CADPS2: variants seen among roughly 807,000 people sequenced by gnomAD.
CADPS2 encodes the protein calcium-dependent secretion activator 2.
Under a neutral mutation model 172.5 loss-of-function variants are expected in CADPS2, and 93 were observed. The observed-to-expected ratio is 0.54, with a 90% CI of 0.46 to 0.64. CADPS2 has a LOEUF of 0.64. CADPS2 is among the 30% of genes least tolerant of loss of function. The probability of loss-of-function intolerance (pLI) is 0.00; values close to 1 mark genes in which losing one functional copy is unlikely to be tolerated. For synonymous variants in CADPS2, 546 were observed against 555.2 expected, an observed-to-expected ratio of 0.98 and a Z score of 0.23; for missense variants, 1,420 against 1,565.9, an observed-to-expected ratio of 0.91 and a Z score of 1.57.
intron 8 of CADPS2, among the ~76,000 whole-genome samples, chr7:122,519,678 TA>T (rs200287126): frequency 6.4e-4 from 96 of 149,892 alleles, no homozygotes; most frequent in African/African-American, 4.9e-4. Flanking sequence ...ATCTATGACT[TA>T]AAAAAAAAAT....
At chr7:122,833,840 G>A (rs1807393320) in intron 1 of CADPS2, among the ~76,000 whole-genome samples, 1 of 152,100 alleles carries the variant, frequency 6.6e-6, no homozygotes, top group South Asian at 2.1e-4. Context: ...CACCTCAATA[G>A]CATTAAAGAA....
At chr7:122,566,574 C>A (rs2066505143) in intron 7 of CADPS2, among the ~76,000 whole-genome samples, 1 of 151,984 alleles carries the variant, frequency 6.6e-6, no homozygotes, top group African/African-American at 2.4e-5. Context: ...CTTTGAATAG[C>A]TCTGAGATAC....
intron 1 of CADPS2, among the ~76,000 whole-genome samples, chr7:122,742,196 G>A (rs1320834218): frequency 6.6e-6 from 1 of 152,014 alleles, no homozygotes; most frequent in Non-Finnish European, 1.5e-5. Flanking sequence ...TTCGAGACCA[G>A]CGTGGCCAAC....
At chr7:122,834,550 G>A (rs1380596503) in intron 1 of CADPS2, among the ~76,000 whole-genome samples, 1 of 152,142 alleles carries the variant, frequency 6.6e-6, no homozygotes, top group Non-Finnish European at 1.5e-5. Flanking sequence ...GGAAAGCCGT[G>A]ACAGACAGCA....
chr7:122,658,043 G>GA (rs1252137153), intron 3 of CADPS2, among the ~76,000 whole-genome samples: 11 of 151,838 alleles, frequency 7.2e-5, no homozygotes, highest in African/African-American at 2.4e-4. Context: ...AAATTTACAA[G>GA]AAAAAAACAA....
Position 122,660,973 on chromosome 7 carries a change from T to A in CADPS2, c.786+2264A>T, listed in dbSNP as rs531926230. On this transcript the variant is annotated intron_variant, in intron 3 of 29. Coordinates refer to ENST00000449022, the MANE Select transcript of CADPS2 (RefSeq NM_017954.11). ...GTCTACAAAACATCCACTTTAAAAA[T>A]AAAGACTTATGTTAAAAGTAAACAG... Among the ~76,000 whole-genome samples the A allele has an allele frequency of 4.6e-5, 7 of 152,124 alleles. No homozygotes were observed. In the South Asian group the frequency reaches 1.5e-3, roughly 32 times the overall value.
chr7:122,659,785 G>C (rs2080309308), intron 3 of CADPS2, among the ~76,000 whole-genome samples: 1 of 152,024 alleles, frequency 6.6e-6, no homozygotes, highest in African/African-American at 2.4e-5. Flanking sequence ...TACCTCTAAA[G>C]AGTAAAGGAT....
intron 1 of CADPS2, among the ~76,000 whole-genome samples, chr7:122,835,398 C>A (rs1808059608): frequency 6.6e-6 from 1 of 152,242 alleles, no homozygotes; most frequent in Non-Finnish European, 1.5e-5. Context: ...CAAAGGAACG[C>A]AGCTCCTCGC....
At position 122,707,798 on chromosome 7, in the gene CADPS2, T is replaced by TTATA. The variant is rs575778719; in HGVS notation, c.453+29153_453+29156dup. 1.3e-4 allele frequency among the ~76,000 whole-genome samples: 19 copies of TTATA among 150,076 alleles called. No individual in the cohort carries two copies. In the South Asian group the frequency reaches 1.9e-3, roughly 15 times the overall value. On this transcript the variant is annotated intron_variant, in intron 2 of 29. Coordinates refer to ENST00000449022, the MANE Select transcript of CADPS2 (RefSeq NM_017954.11). ...TACTTTTACAATTTTTAATGTTTTC[T>TTATA]TATATATATATATATGTTATTATTT...
chr7:122,724,400 T>C (rs901337093), intron 2 of CADPS2, among the ~76,000 whole-genome samples: 2 of 152,008 alleles, frequency 1.3e-5, no homozygotes, highest in African/African-American at 4.8e-5. Flanking sequence ...GTATAAGCCA[T>C]GGTATCCTGC....
intron 28 of CADPS2, 94 bp from the exon 29 acceptor site, chr7:122,325,675 T>C: frequency 1.4e-6 from 1 of 720,206 alleles, no homozygotes; most frequent in Non-Finnish European, 2.5e-6. Context: ...GAGGGGGTAA[T>C]AAAACACTCT....
At chr7:122,749,961 T>TAA (rs34910927) in intron 1 of CADPS2, among the ~76,000 whole-genome samples, 58 of 133,938 alleles carry the variant, frequency 4.3e-4, no homozygotes, top group Middle Eastern at 3.9e-3. Flanking sequence ...CCTGTGAGGT[T>TAA]AAAAAAAAAA....
chr7:122,664,936 C>T (rs2081025941), intron 2 of CADPS2, among the ~76,000 whole-genome samples: 1 of 151,088 alleles, frequency 6.6e-6, no homozygotes, highest in Non-Finnish European at 1.5e-5. Flanking sequence ...CAAACACACA[C>T]CATCATGCCT....
intron 2 of CADPS2, among the ~76,000 whole-genome samples, chr7:122,700,360 AC>A (rs751209664): frequency 6.6e-5 from 10 of 152,224 alleles, no homozygotes; most frequent in African/African-American, 9.6e-5. Flanking sequence ...CTATGGGCCA[AC>A]AAAAACTAGT....
At chr7:122,793,383 G>A (rs1795691331) in intron 1 of CADPS2, among the ~76,000 whole-genome samples, 2 of 152,096 alleles carry the variant, frequency 1.3e-5, no homozygotes, top group African/African-American at 2.4e-5. Context: ...ATTATGTAAT[G>A]CCCTTCTTTA....
intron 8 of CADPS2, among the ~76,000 whole-genome samples, chr7:122,535,637 A>AG (rs2062186525): frequency 6.6e-6 from 1 of 152,106 alleles, no homozygotes; most frequent in Non-Finnish European, 1.5e-5. Flanking sequence ...ACATTCCTGT[A>AG]AGAACTAGTA....
At chr7:122,320,763 G>A (rs1200123870) in intron 29 of CADPS2, among the ~76,000 whole-genome samples, 2 of 152,060 alleles carry the variant, frequency 1.3e-5, no homozygotes, top group Non-Finnish European at 2.9e-5. Context: ...ATTTTGAGGG[G>A]TCAGTTGTGT....
intron 29 of CADPS2, among the ~76,000 whole-genome samples, chr7:122,320,827 T>C (rs893181666): frequency 2.0e-5 from 3 of 152,136 alleles, no homozygotes; most frequent in African/African-American, 7.2e-5. Context: ...TTTTCAGCAT[T>C]TCAGTGAATT....
intron 20 of CADPS2, among the ~76,000 whole-genome samples, chr7:122,405,001 C>T (rs1004228032): frequency 4.6e-5 from 7 of 151,562 alleles, no homozygotes; most frequent in Non-Finnish European, 5.9e-5. Flanking sequence ...TGGTGGCGGG[C>T]GCCTGTGGAG....
Sources: allele counts gnomAD v4.1 joint callset (sites outside exome capture counted in the v4.1 genomes callset), GRCh38; gene constraint gnomAD v4.1.1; transcripts MANE v1.5; gene names NCBI Gene and HGNC (gene_info 2026-07-23, HGNC 2026-07-21).